Variants in LARGE1 observed in about 807,000 individuals in gnomAD.
The protein encoded by LARGE1 is LARGE xylosyl- and glucuronyltransferase 1.
Under a neutral mutation model 87.6 loss-of-function variants are expected in LARGE1, and 43 were observed. That is an observed-to-expected ratio of 0.49 (90% CI 0.38 to 0.63). The LOEUF (loss-of-function observed/expected upper bound fraction) is 0.63, where lower values mean the gene tolerates loss of function less well. Among genes scored for constraint, LARGE1 ranks in the 30% least tolerant of loss-of-function variants. The pLI, the probability that LARGE1 is intolerant of heterozygous loss-of-function variation, is 0.00. For synonymous variants in LARGE1, 434 were observed against 394.6 expected, an observed-to-expected ratio of 1.10 and a Z score of -1.18; for missense variants, 802 against 1,000.2, an observed-to-expected ratio of 0.80 and a Z score of 2.67.
At chr22:33,739,715 G>A (rs1569418383) in intron 2 of LARGE1, among the ~76,000 whole-genome samples, 1 of 152,158 alleles carries the variant, frequency 6.6e-6, no homozygotes, top group Non-Finnish European at 1.5e-5. Flanking sequence ...GGCAGCCTGG[G>A]GAGAGGAGAA....
chr22:33,453,212 C>T (rs143855207), intron 6 of LARGE1, among the ~76,000 whole-genome samples: 9 of 152,000 alleles, frequency 5.9e-5, no homozygotes, highest in South Asian at 2.1e-4. Context: ...GTCACGAGTT[C>T]GAGACCAGCC....
At chr22:33,898,271 G>A (rs539842612) in intron 1 of LARGE1, among the ~76,000 whole-genome samples, 5 of 152,178 alleles carry the variant, frequency 3.3e-5, no homozygotes, top group African/African-American at 1.2e-4. Context: ...GAGCCTACAC[G>A]GTTCCCTTGA....
intron 6 of LARGE1, among the ~76,000 whole-genome samples, chr22:33,497,056 ATTTTCTTTTC>A (rs201692194): frequency 4.9e-5 from 7 of 142,930 alleles, no homozygotes; most frequent in African/African-American, 1.8e-4. Context: ...TAGTTCTGCT[ATTTTCTTTTC>A]TTTTCTTTTT....
chr22:33,820,551 T>A (rs984946608), intron 1 of LARGE1, among the ~76,000 whole-genome samples: 8 of 152,110 alleles, frequency 5.3e-5, no homozygotes, highest in African/African-American at 1.7e-4. Flanking sequence ...GGTCTAGAAC[T>A]TCTGGCCTCA....
intron 5 of LARGE1, among the ~76,000 whole-genome samples, chr22:33,580,140 G>T (rs1040884585): frequency 2.1e-4 from 32 of 151,892 alleles, no homozygotes; most frequent in African/African-American, 7.5e-4. Context: ...GGAGGCCAAG[G>T]GGGGCAGATC....
At chr22:33,268,676 C>T (rs1928087148), downstream of LARGE1, among the ~76,000 whole-genome samples, 1 of 152,156 alleles carries the variant, frequency 6.6e-6, no homozygotes, top group Non-Finnish European at 1.5e-5. Flanking sequence ...ATCTGCCTGC[C>T]TCGGCCTCCC....
At chr22:33,096,316 T>C in the LARGE1 span, among the ~76,000 whole-genome samples, 7 of 150,094 alleles carry the variant, frequency 4.7e-5, no homozygotes, top group Non-Finnish European at 1.0e-4. Flanking sequence ...CTCTGGAGGC[T>C]GAGGCAGGAG....
chr22:33,256,623 G>A (rs1437488144), intron 11 of LARGE1, among the ~76,000 whole-genome samples: 2 of 152,160 alleles, frequency 1.3e-5, no homozygotes, highest in Non-Finnish European at 2.9e-5. Context: ...TATTGTTCCA[G>A]TCATGCATGT....
At chr22:33,872,869 A>G (rs12169279) in intron 1 of LARGE1, among the ~76,000 whole-genome samples, 23,436 of 152,054 alleles carry the variant, frequency 0.15, 1,872 homozygotes, top group South Asian at 0.29. Context: ...GTGTGGTGGC[A>G]GACACCTGTA....
chr22:33,424,375 A>T (rs922633246), intron 7 of LARGE1, among the ~76,000 whole-genome samples: 3 of 152,198 alleles, frequency 2.0e-5, no homozygotes, highest in Non-Finnish European at 2.9e-5. Flanking sequence ...AAGGTGTAGA[A>T]GCCATCTCTC....
chr22:33,824,435 CTCAT>C (rs1417737318), intron 1 of LARGE1, among the ~76,000 whole-genome samples: 3 of 152,186 alleles, frequency 2.0e-5, no homozygotes, highest in African/African-American at 7.2e-5. Flanking sequence ...CTTGTGAGAA[CTCAT>C]TCATTATCAC....
chr22:33,695,878 C>G lies in LARGE1; in HGVS notation c.107-45210G>C, dbSNP rs569713151. ...GAGGAAGTTCCCTCAAGCTCCTTCTCTGACAATATCTGCATCCTCCCACCA... is the reference window on the plus strand; with the variant it reads ...GAGGAAGTTCCCTCAAGCTCCTTCTGTGACAATATCTGCATCCTCCCACCA... On this transcript the variant is annotated intron_variant, in intron 2 of 14. Coordinates refer to ENST00000397394, the MANE Select transcript of LARGE1 (RefSeq NM_133642.5). Among the ~76,000 whole-genome samples the G allele has an allele frequency of 3.3e-5, 5 of 152,340 alleles. 1 individual carries two copies. The South Asian group carries it at 1.0e-3, about 32-fold the overall frequency.
In LARGE1 at chr22:33,691,010, A is replaced by G. The variant is rs16985364; in HGVS notation, c.107-40342T>C. 5.7e-3 allele frequency among the ~76,000 whole-genome samples: 868 copies of G among 152,226 alleles called. 8 individuals carry two copies. The highest frequency in any genetic ancestry group is 0.02 in the African/African-American group (831 of 41,528). Reference sequence around the variant, plus strand: ...GTTATTTCCTAGCTCTGGAACCTACACCAGAGCTGGCAGGGCACCAGACCC... The same window carrying G: ...GTTATTTCCTAGCTCTGGAACCTACGCCAGAGCTGGCAGGGCACCAGACCC... On this transcript the variant is annotated intron_variant, in intron 2 of 14. Coordinates refer to ENST00000397394, the MANE Select transcript of LARGE1 (RefSeq NM_133642.5).
chr22:33,877,969 G>A (rs983134488), intron 1 of LARGE1, among the ~76,000 whole-genome samples: 1 of 151,288 alleles, frequency 6.6e-6, no homozygotes, highest in African/African-American at 2.4e-5. Flanking sequence ...AGTCCAGACA[G>A]TATGAAATAA....
At chr22:33,624,329 T>C (rs572597700) in intron 4 of LARGE1, among the ~76,000 whole-genome samples, 2 of 152,288 alleles carry the variant, frequency 1.3e-5, no homozygotes, top group South Asian at 4.1e-4. Flanking sequence ...AGCAGACCTG[T>C]CATTAATAGA....
chr22:33,700,758 G>C (rs2082383131), intron 2 of LARGE1, among the ~76,000 whole-genome samples: 1 of 152,124 alleles, frequency 6.6e-6, no homozygotes, highest in Non-Finnish European at 1.5e-5. Context: ...TCTGAGTAGA[G>C]GGAAAAACAG....
rs552939045 is a variant in LARGE1 at position 33,884,804 on chromosome 22, G to A, written c.-83+35191C>T. Among the ~76,000 whole-genome samples, 5 of 152,278 alleles carry A rather than the reference G, an allele frequency of 3.3e-5. No homozygotes were observed. In the East Asian group the frequency reaches 9.7e-4, roughly 29 times the overall value. On this transcript the variant is annotated intron_variant, in intron 1 of 14. Coordinates refer to ENST00000397394, the MANE Select transcript of LARGE1 (RefSeq NM_133642.5). Reference sequence around the variant, plus strand: ...TGACAGGAGCAACCCTAGGTTTCCTGATGGCACAAATCAACCTCCCCTCCT... The same window carrying A: ...TGACAGGAGCAACCCTAGGTTTCCTAATGGCACAAATCAACCTCCCCTCCT...
chr22:33,915,042 C>CACAGAGAGAG (rs144076486), intron 1 of LARGE1, among the ~76,000 whole-genome samples: 1,473 of 137,050 alleles, frequency 0.011, 30 homozygotes, highest in African/African-American at 0.038. Context: ...CACACACACA[C>CACAGAGAGAG]AGAGAGAGAG....
chr22:33,111,034 C>T, the LARGE1 span, among the ~76,000 whole-genome samples: 1 of 152,138 alleles, frequency 6.6e-6, no homozygotes, highest in Non-Finnish European at 1.5e-5. Context: ...GAATGCCAAA[C>T]TGGGTGGGGC....
Sources: gnomAD v4.1 joint callset for allele counts (sites outside exome capture counted in the v4.1 genomes callset) on GRCh38, gnomAD v4.1.1 for gene constraint, MANE v1.5 for transcripts, NCBI Gene and HGNC (gene_info 2026-07-23, HGNC 2026-07-21) for gene names.